Variants in FBXO34 observed in about 807,000 individuals in gnomAD.
FBXO34 encodes the protein F-box only protein 34.
Under a neutral mutation model 24.5 loss-of-function variants are expected in FBXO34, and 12 were observed. That is an observed-to-expected ratio of 0.49 (90% CI 0.31 to 0.79). The LOEUF (loss-of-function observed/expected upper bound fraction) is 0.79, where lower values mean the gene tolerates loss of function less well. FBXO34 is among the 30% of genes least tolerant of loss of function. The probability of loss-of-function intolerance (pLI) is 0.04; values close to 1 mark genes in which losing one functional copy is unlikely to be tolerated. For synonymous variants in FBXO34, 320 were observed against 311.9 expected, an observed-to-expected ratio of 1.03 and a Z score of -0.27; for missense variants, 823 against 857.7, an observed-to-expected ratio of 0.96 and a Z score of 0.51.
intron 1 of FBXO34, among the ~76,000 whole-genome samples, chr14:55,332,796 A>G (rs1883643522): frequency 6.6e-6 from 1 of 152,104 alleles, no homozygotes; most frequent in South Asian, 2.1e-4. Context: ...CACTTTCTAA[A>G]CTTTTATCTT....
the FBXO34 span, among the ~76,000 whole-genome samples, chr14:55,411,384 G>T: frequency 1.3e-5 from 2 of 152,172 alleles, no homozygotes; most frequent in Non-Finnish European, 2.9e-5. Flanking sequence ...AACTCCTCTT[G>T]GGTGGGTGAT....
chr14:55,289,446 A>G (rs1222300771), intron 1 of FBXO34, among the ~76,000 whole-genome samples: 2 of 152,196 alleles, frequency 1.3e-5, no homozygotes, highest in African/African-American at 4.8e-5. Flanking sequence ...TCTTGGGCAC[A>G]CTTTACCCCT....
chr14:55,298,866 T>G, intron 1 of FBXO34: 1 of 1,610,596 alleles, frequency 6.2e-7, no homozygotes, highest in Non-Finnish European at 8.5e-7. Flanking sequence ...CGGTACATTA[T>G]CAACCATCGA....
chr14:55,341,820 G>A (rs780138934), intron 1 of FBXO34, among the ~76,000 whole-genome samples: 16 of 152,076 alleles, frequency 1.1e-4, no homozygotes, highest in South Asian at 4.1e-4. Context: ...AAATGACTAC[G>A]GATTAACTTA....
At chr14:55,373,555 G>A (rs1324703526), downstream of FBXO34, among the ~76,000 whole-genome samples, 1 of 152,124 alleles carries the variant, frequency 6.6e-6, no homozygotes, top group Admixed American at 6.5e-5. Context: ...CGCCTCCTGG[G>A]TTCAAGCGAT....
chr14:55,366,278 A>G (rs1181474345), downstream of FBXO34: 4 of 152,642 alleles, frequency 2.6e-5, no homozygotes, highest in Non-Finnish European at 5.9e-5. Flanking sequence ...AAAAAATTCT[A>G]CAAACTTCTT....
At chr14:55,389,969 A>G in the FBXO34 span, among the ~76,000 whole-genome samples, 2 of 152,212 alleles carry the variant, frequency 1.3e-5, no homozygotes, top group Non-Finnish European at 1.5e-5. Context: ...GAAAAAAAAA[A>G]CAATATTCTG....
chr14:55,276,555 G>A (rs554866910), intron 1 of FBXO34, among the ~76,000 whole-genome samples: 1 of 152,190 alleles, frequency 6.6e-6, no homozygotes, highest in South Asian at 2.1e-4. Flanking sequence ...TTATTAGCCG[G>A]CGACCGAGAG....
intron 1 of FBXO34, among the ~76,000 whole-genome samples, chr14:55,280,259 C>T (rs1881486820): frequency 6.6e-6 from 1 of 152,046 alleles, no homozygotes; most frequent in South Asian, 2.1e-4. Context: ...CTATGTAGAG[C>T]AGCGCTGTTG....
intron 1 of FBXO34, among the ~76,000 whole-genome samples, chr14:55,347,681 A>G (rs1240398399): frequency 6.6e-6 from 1 of 152,180 alleles, no homozygotes; most frequent in Admixed American, 6.5e-5. Flanking sequence ...CTTGCACACA[A>G]AGTGTTAGTT....
the FBXO34 span, chr14:55,428,946 T>A: frequency 6.2e-7 from 1 of 1,614,160 alleles, no homozygotes; most frequent in Non-Finnish European, 8.5e-7. Context: ...CGAGCATATT[T>A]TCTTGCTGCA....
At chr14:55,431,092 A>C in the FBXO34 span, among the ~76,000 whole-genome samples, 2 of 152,200 alleles carry the variant, frequency 1.3e-5, no homozygotes. Flanking sequence ...GATCTTCTGC[A>C]CTTTTCCTAC....
At chr14:55,436,741 C>G in the FBXO34 span, 133 of 1,614,014 alleles carry the variant, frequency 8.2e-5, no homozygotes, top group Non-Finnish European at 1.1e-4. Context: ...TAAGCCCAGC[C>G]CAACGTCCTG....
the FBXO34 span, among the ~76,000 whole-genome samples, chr14:55,416,926 T>TA: frequency 2.0e-5 from 3 of 152,178 alleles, no homozygotes; most frequent in Non-Finnish European, 2.9e-5. Context: ...ACTTTTATAT[T>TA]AAAAAATCCT....
Position 55,314,419 on chromosome 14 carries a change from AAACTACTG to A in FBXO34, c.-10-35960_-10-35953del, listed in dbSNP as rs746506515. On this transcript the variant is annotated intron_variant, in intron 1 of 1. Transcript: ENST00000313833. ...GTTAACCAAATACACACCTTGGTGTAAACTACTGAGCTACCTCCCAGAAGGGAAGCTGC... is the reference window on the plus strand; with the variant it reads ...GTTAACCAAATACACACCTTGGTGTAAGCTACCTCCCAGAAGGGAAGCTGC... Among the ~76,000 whole-genome samples the A allele has an allele frequency of 5.2e-4, 79 of 152,204 alleles. 2 individuals carry two copies. Among genetic ancestry groups the A allele is most frequent in the Non-Finnish European group, 1.6e-4 (11 of 68,040 alleles).
chr14:55,385,865 C>A, the FBXO34 span: 1 of 1,609,944 alleles, frequency 6.2e-7, no homozygotes, highest in Non-Finnish European at 8.5e-7. Flanking sequence ...GTACCTCACA[C>A]CCGTCTTTAC....
intron 1 of FBXO34, among the ~76,000 whole-genome samples, chr14:55,300,141 C>T (rs1354271953): frequency 1.6e-5 from 2 of 128,050 alleles, no homozygotes; most frequent in Non-Finnish European, 3.6e-5. Flanking sequence ...TCTCAGATGT[C>T]ATAGTTTTAG....
rs1882227729 is a variant in FBXO34 at position 55,298,668 on chromosome 14, G to A, written c.-11+27131G>A. On this transcript the variant is annotated intron_variant, in intron 1 of 1. Coordinates refer to ENST00000313833, the MANE Select transcript of FBXO34 (RefSeq NM_017943.4). ...GCTGTTCGGGGCTGGAGGGGGTAAG[G>A]CCGGCAAGGGCGGCCTGACCCTCCA... 3.3e-6 allele frequency: 5 copies of A among 1,538,076 alleles called. No homozygotes were observed. The East Asian group carries it at 1.2e-4, about 36-fold the overall frequency.
chr14:55,342,097 T>C (rs962866109), intron 1 of FBXO34, among the ~76,000 whole-genome samples: 1 of 152,238 alleles, frequency 6.6e-6, no homozygotes, highest in African/African-American at 2.4e-5. Context: ...TCCCAACTTG[T>C]CAATATTCCT....
Sources: gnomAD v4.1 joint callset for allele counts (sites outside exome capture counted in the v4.1 genomes callset) on GRCh38, gnomAD v4.1.1 for gene constraint, MANE v1.5 for transcripts, NCBI Gene and HGNC (gene_info 2026-07-23, HGNC 2026-07-21) for gene names.